The following DLG5 variants were observed in gnomAD, a reference collection of about 807,000 sequenced individuals.
The protein encoded by DLG5 is disks large homolog 5.
Under a neutral mutation model 189.8 loss-of-function variants are expected in DLG5, and 48 were observed. The ratio of observed to expected loss-of-function variants is 0.25; its 90% confidence interval spans 0.20 to 0.32. The LOEUF (loss-of-function observed/expected upper bound fraction) is 0.32. DLG5 is among the 10% of genes least tolerant of loss of function. The pLI, the probability that DLG5 is intolerant of heterozygous loss-of-function variation, is 1.00. For missense variants in DLG5, 2,160 were observed against 2,544.7 expected (o/e 0.85, Z 3.25); for synonymous variants, 1,016 against 1,054.1 (o/e 0.96, Z 0.70).
chr10:77,882,239 G>C (rs1232578073), intron 1 of DLG5, among the ~76,000 whole-genome samples: 1 of 152,216 alleles, frequency 6.6e-6, no homozygotes, highest in African/African-American at 2.4e-5. Context: ...GGATGGACAT[G>C]GGCTCCCTCT....
chr10:77,802,232 T>C (rs542272421), intron 27 of DLG5, among the ~76,000 whole-genome samples: 1 of 152,266 alleles, frequency 6.6e-6, no homozygotes, highest in East Asian at 1.9e-4. Context: ...TCTGTGGTAA[T>C]TGGGTACAGC....
At chr10:77,929,272 G>T (rs1846765409), upstream of DLG5, 1 of 152,040 alleles carries the variant, frequency 6.6e-6, no homozygotes, top group Non-Finnish European at 1.5e-5. Flanking sequence ...GAACTCCTGG[G>T]CTCAAGTTAT....
At chr10:77,842,931 T>C (rs12263097) in intron 6 of DLG5, among the ~76,000 whole-genome samples, 2 of 151,912 alleles carry the variant, frequency 1.3e-5, no homozygotes, top group South Asian at 4.1e-4. Context: ...GCACTTTTCA[T>C]GTGAAACTGC....
chr10:77,818,982 C>T (rs1485647561), intron 17 of DLG5, among the ~76,000 whole-genome samples: 1 of 152,168 alleles, frequency 6.6e-6, no homozygotes, highest in Non-Finnish European at 1.5e-5. Flanking sequence ...CCAGTTTCCT[C>T]ATCTTCAAGA....
chr10:77,920,369 C>T (rs1846499278), intron 1 of DLG5, among the ~76,000 whole-genome samples: 1 of 152,204 alleles, frequency 6.6e-6, no homozygotes, highest in African/African-American at 2.4e-5. Flanking sequence ...CTAGACCCAC[C>T]ATCCCACTCC....
intron 1 of DLG5, among the ~76,000 whole-genome samples, chr10:77,900,523 G>C (rs1039846458): frequency 6.6e-6 from 1 of 152,178 alleles, no homozygotes; most frequent in Non-Finnish European, 1.5e-5. Flanking sequence ...CCTTTGGCTG[G>C]GCATGGTGGC....
chr10:77,811,498 C>T (rs1053228437), intron 22 of DLG5, among the ~76,000 whole-genome samples: 2 of 152,114 alleles, frequency 1.3e-5, no homozygotes, highest in Non-Finnish European at 2.9e-5. Flanking sequence ...TTTTCCTCTG[C>T]CTGTGCATCC....
chr10:77,812,092 T>C (rs1191814991), intron 21 of DLG5, 35 bp from the exon 22 acceptor site: 1 of 1,602,956 alleles, frequency 6.2e-7, no homozygotes, highest in Non-Finnish European at 8.5e-7. Context: ...AGTGGGGGGG[T>C]CGGGGCTGTG....
chr10:77,915,618 T>C (rs59208070), intron 1 of DLG5, among the ~76,000 whole-genome samples: 9,414 of 152,256 alleles, frequency 0.062, 972 homozygotes, highest in African/African-American at 0.21. Flanking sequence ...TAGCACTGCC[T>C]GGATGCATTT....
chr10:77,900,590 A>G (rs946869105), intron 1 of DLG5, among the ~76,000 whole-genome samples: 2 of 152,076 alleles, frequency 1.3e-5, no homozygotes, highest in Admixed American at 6.5e-5. Context: ...ACTTGAGGTC[A>G]GGAGTTTGAG....
chr10:77,795,972 G>A, intron 29 of DLG5, 89 bp downstream of exon 29: 8 of 1,586,674 alleles, frequency 5.0e-6, no homozygotes, highest in South Asian at 2.2e-5. Context: ...CTGAGCCGCT[G>A]GGGCAGAGGA....
chr10:77,917,097 G>GGC (rs1420290938), intron 1 of DLG5, among the ~76,000 whole-genome samples: 23 of 151,862 alleles, frequency 1.5e-4, no homozygotes, highest in South Asian at 4.2e-4. Flanking sequence ...CAACTTGAGA[G>GGC]GCCAAGGCGG....
rs533350957 is a variant in DLG5 at position 77,926,230 on chromosome 10, G to A, written c.291C>T (p.Pro97=). ...YLNGVVGPPQ[P]AEGAGSTYSV... Reference sequence around the variant, plus strand: ...TCTGCCACTCACCCGCGCCTTCGGCGGGCTGCGGCGGCCCGACGACGCCGT... The same window carrying A: ...TCTGCCACTCACCCGCGCCTTCGGCAGGCTGCGGCGGCCCGACGACGCCGT... The change falls in exon 1 of 32, where the codon CCC becomes CCT. Residue 97 remains proline, a synonymous_variant. Coordinates refer to ENST00000372391, the MANE Select transcript of DLG5 (RefSeq NM_004747.4). This position sits in a 1 kb window ranked among gnomAD's most constrained non-coding sequence, Gnocchi z 5.2. 6 of 1,503,278 alleles carry A rather than the reference G, an allele frequency of 4.0e-6. No individual in the cohort carries two copies. In the African/African-American group the frequency reaches 7.1e-5, roughly 18 times the overall value. 93.1% of individuals were successfully genotyped at this position (1,503,278 alleles called of 1,614,324 possible). A position where few individuals can be genotyped will look rare whatever the true frequency, so the allele number is the denominator to read the frequency against.
intron 29 of DLG5, among the ~76,000 whole-genome samples, chr10:77,795,683 G>A (rs7915161): frequency 0.032 from 4,924 of 152,126 alleles, 264 homozygotes; most frequent in African/African-American, 0.11. Flanking sequence ...GGGAAGGCAC[G>A]TTCCTGTCCC....
At chr10:77,815,001 G>T (rs1218673818) in intron 20 of DLG5, among the ~76,000 whole-genome samples, 2 of 152,066 alleles carry the variant, frequency 1.3e-5, no homozygotes, top group African/African-American at 2.4e-5. Flanking sequence ...TCTCCAATCG[G>T]ATCCTAACCA....
At chr10:77,795,747 A>C (rs1340385377) in intron 29 of DLG5, among the ~76,000 whole-genome samples, 1 of 152,082 alleles carries the variant, frequency 6.6e-6, no homozygotes, top group Non-Finnish European at 1.5e-5. Context: ...CCCGTTCCGG[A>C]ATGCCCTGCG....
intron 1 of DLG5, among the ~76,000 whole-genome samples, chr10:77,902,866 TAAATAAAA>T (rs373743242): frequency 0.088 from 9,676 of 110,010 alleles, 392 homozygotes; most frequent in African/African-American, 0.17. Context: ...TCTCAAAAAA[TAAATAAAA>T]AAATAAATAA....
chr10:77,832,503 C>T (rs140894081), intron 9 of DLG5, among the ~76,000 whole-genome samples: 4 of 152,336 alleles, frequency 2.6e-5, no homozygotes, highest in African/African-American at 9.6e-5. Flanking sequence ...GCTCCAATGC[C>T]TTCCAACACT....
intron 1 of DLG5, among the ~76,000 whole-genome samples, chr10:77,884,383 C>A (rs1845374828): frequency 6.6e-6 from 1 of 152,168 alleles, no homozygotes; most frequent in Non-Finnish European, 1.5e-5. Flanking sequence ...CATCACACCG[C>A]CTGCCTGAGT....
Sources: gnomAD v4.1 joint callset for allele counts (sites outside exome capture counted in the v4.1 genomes callset) on GRCh38, gnomAD v4.1.1 for gene constraint, Gnocchi (gnomAD v3.1) non-coding constraint, MANE v1.5 for transcripts, NCBI Gene and HGNC (gene_info 2026-07-23, HGNC 2026-07-21) for gene names.